The following SETBP1 variants were observed in gnomAD, a reference collection of about 807,000 sequenced individuals.
SETBP1 encodes the protein SET binding protein 1, also known as SET-binding protein.
Under a neutral mutation model 101.0 loss-of-function variants are expected in SETBP1, and 9 were observed. The observed-to-expected ratio is 0.09, with a 90% CI of 0.05 to 0.16. SETBP1 has a LOEUF of 0.16. SETBP1 is among the 10% of genes least tolerant of loss of function. The pLI, the probability that SETBP1 is intolerant of heterozygous loss-of-function variation, is 1.00. For synonymous variants in SETBP1, 818 were observed against 788.5 expected, an observed-to-expected ratio of 1.04 and a Z score of -0.63; for missense variants, 1,858 against 2,033.8, an observed-to-expected ratio of 0.91 and a Z score of 1.66.
chr18:44,931,901 A>C (rs1289857695), intron 3 of SETBP1, among the ~76,000 whole-genome samples: 2 of 152,160 alleles, frequency 1.3e-5, no homozygotes, highest in African/African-American at 2.4e-5. Context: ...CCAATTTGCC[A>C]GTCTGTGTCT....
At chr18:44,978,043 G>A (rs1051631764) in intron 4 of SETBP1, among the ~76,000 whole-genome samples, 7 of 151,968 alleles carry the variant, frequency 4.6e-5, no homozygotes, top group Non-Finnish European at 1.0e-4. Context: ...CCCATATTCC[G>A]AAAACAGATC....
intron 3 of SETBP1, among the ~76,000 whole-genome samples, chr18:44,947,569 C>A (rs916470122): frequency 6.7e-6 from 1 of 149,144 alleles, no homozygotes; most frequent in East Asian, 2.0e-4. Flanking sequence ...TGCAAGGGCA[C>A]GATCTCGGCT....
At chr18:44,889,705 C>T (rs1017737302) in intron 3 of SETBP1, among the ~76,000 whole-genome samples, 16 of 151,996 alleles carry the variant, frequency 1.1e-4, no homozygotes, top group Non-Finnish European at 2.4e-4. Flanking sequence ...ATACAATTAA[C>T]CCAAGACAGT....
chr18:44,694,944 C>G (rs775688824), intron 1 of SETBP1, among the ~76,000 whole-genome samples: 1 of 152,068 alleles, frequency 6.6e-6, no homozygotes, highest in East Asian at 1.9e-4. Context: ...ACGGAGCATG[C>G]TGATGAAAAG....
chr18:45,010,750 A>G (rs2072821067), intron 4 of SETBP1, among the ~76,000 whole-genome samples: 1 of 152,236 alleles, frequency 6.6e-6, no homozygotes, highest in Non-Finnish European at 1.5e-5. Flanking sequence ...CTATGCATTT[A>G]TAAATAAATA....
chr18:44,766,460 A>T (rs145655896), intron 2 of SETBP1, among the ~76,000 whole-genome samples: 17 of 152,384 alleles, frequency 1.1e-4, no homozygotes, highest in Admixed American at 4.6e-4. Context: ...CAAACACTGT[A>T]CAATTCCATC....
intron 3 of SETBP1, among the ~76,000 whole-genome samples, chr18:44,902,217 CAT>C (rs1273472816): frequency 1.9e-4 from 22 of 115,696 alleles, no homozygotes; most frequent in South Asian, 3.2e-4. Context: ...CCACTCACTA[CAT>C]ATATCTCTCT....
chr18:44,795,632 C>G (rs1365696142), intron 2 of SETBP1, among the ~76,000 whole-genome samples: 4 of 152,142 alleles, frequency 2.6e-5, no homozygotes, highest in African/African-American at 9.7e-5. Context: ...TTTTTAAAAG[C>G]CTGACAAGAA....
intron 1 of SETBP1, among the ~76,000 whole-genome samples, chr18:44,687,113 T>C (rs1354896626): frequency 3.9e-5 from 6 of 152,176 alleles, no homozygotes; most frequent in Admixed American, 3.9e-4. Flanking sequence ...CAGAGAAGGC[T>C]GAGGAGGCCG....
intron 3 of SETBP1, among the ~76,000 whole-genome samples, chr18:44,927,302 C>G (rs1262627218): frequency 6.6e-6 from 1 of 152,172 alleles, no homozygotes; most frequent in African/African-American, 2.4e-5. Context: ...TCAACCTTCA[C>G]TGTCACCATT....
chr18:44,684,943 G>A (rs926355145), intron 1 of SETBP1, among the ~76,000 whole-genome samples: 4 of 152,106 alleles, frequency 2.6e-5, no homozygotes, highest in African/African-American at 7.2e-5. Context: ...CACCGCGCCC[G>A]ACCGAGGAAC....
intron 4 of SETBP1, among the ~76,000 whole-genome samples, chr18:45,004,222 G>T (rs1472234429): frequency 6.6e-6 from 1 of 152,184 alleles, no homozygotes; most frequent in Non-Finnish European, 1.5e-5. Context: ...CCTTCTTTGA[G>T]CATGACTTAG....
At chr18:44,730,343 G>A (rs375025734) in intron 2 of SETBP1, among the ~76,000 whole-genome samples, 17 of 152,350 alleles carry the variant, frequency 1.1e-4, no homozygotes, top group African/African-American at 4.1e-4. Context: ...GGGGAGGTAA[G>A]AGTTTGCTGG....
At chr18:44,792,584 C>T (rs531615111) in intron 2 of SETBP1, among the ~76,000 whole-genome samples, 140 of 152,306 alleles carry the variant, frequency 9.2e-4, no homozygotes, top group African/African-American at 3.2e-3. Flanking sequence ...GTACCTGGAC[C>T]GGATGCCCAC....
At chr18:44,875,548 AAAAG>A (rs2069382756) in intron 3 of SETBP1, among the ~76,000 whole-genome samples, 4 of 151,438 alleles carry the variant, frequency 2.6e-5, no homozygotes, top group Admixed American at 2.6e-4. Flanking sequence ...AAAAAAAAAA[AAAAG>A]AAGGAGTGAA....
At chr18:44,995,192 A>C (rs1185043351) in intron 4 of SETBP1, among the ~76,000 whole-genome samples, 1 of 123,030 alleles carries the variant, frequency 8.1e-6, no homozygotes, top group Non-Finnish European at 1.6e-5. Flanking sequence ...CCCAGGCTGG[A>C]GTGCAGTGGC....
intron 3 of SETBP1, 98 bp downstream of exon 3, chr18:44,869,381 C>G: frequency 9.1e-7 from 1 of 1,103,866 alleles, no homozygotes; most frequent in Non-Finnish European, 1.4e-6. Flanking sequence ...GAAACCCGAA[C>G]CTTGGATTTC....
intron 1 of SETBP1, among the ~76,000 whole-genome samples, chr18:44,686,859 T>A (rs1265289545): frequency 6.6e-6 from 1 of 152,240 alleles, no homozygotes; most frequent in Non-Finnish European, 1.5e-5. Context: ...TTTTACCACA[T>A]GTGCATCCTT....
chr18:44,720,906 C>G (rs562101001), intron 2 of SETBP1, among the ~76,000 whole-genome samples: 2 of 126,176 alleles, frequency 1.6e-5, no homozygotes, highest in East Asian at 5.0e-4. Context: ...CTCCAACCCC[C>G]ACCCCCCACC....
Sources: allele counts gnomAD v4.1 joint callset (sites outside exome capture counted in the v4.1 genomes callset), GRCh38; gene constraint gnomAD v4.1.1; transcripts MANE v1.5; gene names NCBI Gene and HGNC (gene_info 2026-07-23, HGNC 2026-07-21).